PKD1L1: variants seen among roughly 807,000 people sequenced by gnomAD.
The protein encoded by PKD1L1 is polycystin-1-like protein 1.
Under a neutral mutation model 323.4 loss-of-function variants are expected in PKD1L1, and 236 were observed. The ratio of observed to expected loss-of-function variants is 0.73; its 90% CI spans 0.66 to 0.81. The LOEUF is 0.81. Among genes scored for constraint, PKD1L1 ranks in the 40% least tolerant of loss-of-function variants. PKD1L1 has a pLI of 0.00. For synonymous variants in PKD1L1, 1,344 were observed against 1,335.0 expected (o/e 1.01, Z -0.15); for missense variants, 3,320 against 3,508.0 (o/e 0.95, Z 1.35).
At chr7:47,785,159 T>C (rs144249664) in intron 56 of PKD1L1, among the ~76,000 whole-genome samples, 10 of 152,336 alleles carry the variant, frequency 6.6e-5, no homozygotes, top group African/African-American at 2.4e-4. Context: ...GCATTCTTCC[T>C]GAGCATACCT....
chr7:47,802,872 C>T (rs758640200), intron 53 of PKD1L1, among the ~76,000 whole-genome samples: 4 of 152,146 alleles, frequency 2.6e-5, no homozygotes, highest in South Asian at 4.1e-4. Context: ...GATAGTTAAA[C>T]GAAGTAATCT....
At chr7:47,798,064 A>G (rs755822459) in intron 54 of PKD1L1, among the ~76,000 whole-genome samples, 3 of 152,356 alleles carry the variant, frequency 2.0e-5, no homozygotes, top group East Asian at 3.9e-4. Context: ...AAACACCAAC[A>G]TGATTTTTTA....
At chr7:47,804,469 A>ACAT (rs1784733114) in intron 52 of PKD1L1, among the ~76,000 whole-genome samples, 1 of 123,044 alleles carries the variant, frequency 8.1e-6, no homozygotes, top group Non-Finnish European at 1.6e-5. Flanking sequence ...TACATTTTTA[A>ACAT]TTTTTTTTTT....
intron 45 of PKD1L1, among the ~76,000 whole-genome samples, chr7:47,822,130 C>G (rs1470626302): frequency 6.6e-6 from 1 of 152,126 alleles, no homozygotes; most frequent in Admixed American, 6.5e-5. Context: ...TATCTGTCCC[C>G]AAATATCATG....
chr7:47,910,435 C>T (rs144877051), intron 8 of PKD1L1, among the ~76,000 whole-genome samples: 2,604 of 148,982 alleles, frequency 0.017, 28 homozygotes, highest in African/African-American at 0.035. Flanking sequence ...CCCAGGTTCA[C>T]GCCATTCTCC....
chr7:47,795,156 A>G, intron 55 of PKD1L1: 1 of 287,054 alleles, frequency 3.5e-6, no homozygotes, highest in Non-Finnish European at 6.8e-6. Context: ...GGAGGGGGCC[A>G]GGAGCAGAAT....
At chr7:47,856,267 G>A (rs1207812725) in intron 28 of PKD1L1, among the ~76,000 whole-genome samples, 1 of 152,178 alleles carries the variant, frequency 6.6e-6, no homozygotes, top group East Asian at 1.9e-4. Flanking sequence ...TGGAACTCCT[G>A]ACCTTAGGTG....
chr7:47,890,505 C>T lies in PKD1L1; in HGVS notation c.2675+37G>A, dbSNP rs201504360. On this transcript the variant is annotated intron_variant, in intron 16 of 56. Transcript: ENST00000289672. Reference sequence around the variant, plus strand: ...GCTAGCACCAGGTGGGAACAAACACCGGTGAGCTGAGCTGTGCTGAATACA... The same window carrying T: ...GCTAGCACCAGGTGGGAACAAACACTGGTGAGCTGAGCTGTGCTGAATACA... 180 of 1,594,942 alleles carry T rather than the reference C, an allele frequency of 1.1e-4. No homozygotes were observed. In the African/African-American group the frequency reaches 2.1e-3, roughly 18 times the overall value.
chr7:47,933,639 A>G (rs932852696), intron 4 of PKD1L1, among the ~76,000 whole-genome samples: 2 of 152,142 alleles, frequency 1.3e-5, no homozygotes, highest in African/African-American at 2.4e-5. Flanking sequence ...GCCTTCGTGT[A>G]TGGTGTACCC....
In PKD1L1 at chr7:47,843,166, G is replaced by A. The variant is rs1193610728; in HGVS notation, c.5241C>T (p.His1747=). ...AAATACTGGGAAGCAAGTTTTCTGG[G>A]TGGCTATAAACAAAAGGAGAGATAT... ...EVSDISKLQS[H]PENLLPSIFI... The change falls in exon 34 of 57, where the codon CAC becomes CAT. Residue 1747 remains histidine, a synonymous_variant. Transcript: ENST00000289672. 4.4e-6 allele frequency: 7 copies of A among 1,609,100 alleles called. No individual in the cohort carries two copies. Among genetic ancestry groups the A allele is most frequent in the Non-Finnish European group, 5.9e-6 (7 of 1,178,020 alleles).
intron 22 of PKD1L1, 114 bp from the exon 23 acceptor site, chr7:47,876,331 C>T: frequency 8.0e-7 from 1 of 1,249,550 alleles, no homozygotes; most frequent in Non-Finnish European, 1.1e-6. Flanking sequence ...TCTTTACAGC[C>T]AGGAAGAGGG....
chr7:47,833,377 T>C lies in PKD1L1; in HGVS notation c.6175-125A>G, dbSNP rs1455851679. 4.6e-6 allele frequency: 5 copies of C among 1,087,284 alleles called. No homozygotes were observed. In the Admixed American group the frequency reaches 9.5e-5, roughly 21 times the overall value. The allele number at this position is 1,087,284 out of a possible 1,614,324, so 67.4% of individuals were successfully genotyped here. Reference sequence around the variant, plus strand: ...GCCTGGCATGGGCGGGGTGTGGTGCTGAGGCCTCTAAAGACTTCTGAGGGA... The same window carrying C: ...GCCTGGCATGGGCGGGGTGTGGTGCCGAGGCCTCTAAAGACTTCTGAGGGA... On this transcript the variant is annotated intron_variant, in intron 40 of 56. Coordinates refer to ENST00000289672, the MANE Select transcript of PKD1L1 (RefSeq NM_138295.5).
At chr7:47,908,586 G>C (rs1389455568) in intron 8 of PKD1L1, among the ~76,000 whole-genome samples, 1 of 152,148 alleles carries the variant, frequency 6.6e-6, no homozygotes. Context: ...TATTCATAAG[G>C]AAGAAAATAG....
chr7:47,929,009 C>T (rs995483231), intron 7 of PKD1L1, among the ~76,000 whole-genome samples, 195 bp downstream of exon 7: 12 of 152,170 alleles, frequency 7.9e-5, no homozygotes, highest in African/African-American at 2.7e-4. Flanking sequence ...TAGAGTTGGT[C>T]ACAGTGCAAA....
At chr7:47,821,241 G>T in intron 45 of PKD1L1, 55 bp from the exon 46 acceptor site, 1 of 1,026,492 alleles carries the variant, frequency 9.7e-7, no homozygotes, top group Non-Finnish European at 1.5e-6. Flanking sequence ...GTAGGTACCT[G>T]AGTGCTTCAA....
intron 28 of PKD1L1, 93 bp downstream of exon 28, chr7:47,857,512 A>T: frequency 9.1e-7 from 1 of 1,093,188 alleles, no homozygotes; most frequent in Non-Finnish European, 1.3e-6. Flanking sequence ...AGGTGCAAAT[A>T]TGCCAACCTA....
At chr7:47,831,958 C>T (rs2128735553) in intron 41 of PKD1L1, among the ~76,000 whole-genome samples, 1 of 152,316 alleles carries the variant, frequency 6.6e-6, no homozygotes, top group South Asian at 2.1e-4. Flanking sequence ...TGTGATTTCC[C>T]CAGGGCCAGA....
Position 47,866,587 on chromosome 7 carries a change from A to G in PKD1L1, c.3924T>C (p.Ser1308=). The G allele has an allele frequency of 1.2e-6, 2 of 1,609,946 alleles. No individual in the cohort carries two copies. Among genetic ancestry groups the G allele is most frequent in the Non-Finnish European group, 1.7e-6 (2 of 1,177,682 alleles). Residue 1308 remains serine, a synonymous_variant, in exon 25 of 57, where the codon TCT becomes TCC. Coordinates refer to ENST00000289672, the MANE Select transcript of PKD1L1 (RefSeq NM_138295.5). ...DLYNSSLKNL[S]TLQLMGSYTE... Reference sequence around the variant, plus strand: ...TGTAACTCCCCATCAGCTGGAGGGTAGAAAGGTTTTTCAGGCTGGAATTAT... The same window carrying G: ...TGTAACTCCCCATCAGCTGGAGGGTGGAAAGGTTTTTCAGGCTGGAATTAT...
At chr7:47,945,789 A>G (rs927298864) in intron 1 of PKD1L1, among the ~76,000 whole-genome samples, 9 of 152,272 alleles carry the variant, frequency 5.9e-5, no homozygotes, top group African/African-American at 2.2e-4. Flanking sequence ...CCTGGCACCC[A>G]CCAAGTTCCG....
Sources: allele counts gnomAD v4.1 joint callset (sites outside exome capture counted in the v4.1 genomes callset), GRCh38; gene constraint gnomAD v4.1.1; transcripts MANE v1.5; gene names NCBI Gene and HGNC (gene_info 2026-07-23, HGNC 2026-07-21).